The following ACYP2 variants were observed in gnomAD, a reference collection of about 807,000 sequenced individuals.
The protein encoded by ACYP2 is acylphosphatase-2.
ACYP2 carries 12 observed loss-of-function variants against 11.2 expected under a neutral mutation model. That is an observed-to-expected ratio of 1.08 (90% CI 0.69 to 1.74). The LOEUF (loss-of-function observed/expected upper bound fraction) is 1.74. Among genes scored for constraint, ACYP2 ranks in the 40% most tolerant of loss-of-function variants. The pLI is 0.00. For missense variants in ACYP2, 134 were observed against 101.9 expected, an observed-to-expected ratio of 1.31 and a Z score of -1.35; for synonymous variants, 43 against 32.2, an observed-to-expected ratio of 1.33 and a Z score of -1.13.
intron 6 of ACYP2, among the ~76,000 whole-genome samples, chr2:54,177,419 G>T (rs930905387): frequency 1.3e-5 from 2 of 152,122 alleles, no homozygotes; most frequent in African/African-American, 4.8e-5. Context: ...TTCATGCCTA[G>T]GAATGGAAAT....
chr2:54,148,850 G>C (rs149300144), intron 6 of ACYP2, among the ~76,000 whole-genome samples: 129 of 152,314 alleles, frequency 8.5e-4, no homozygotes, highest in African/African-American at 2.8e-3. Context: ...CACAATAAGA[G>C]ATGTTGCAAA....
chr2:54,145,592 T>G (rs901591694), intron 6 of ACYP2, among the ~76,000 whole-genome samples: 1 of 152,194 alleles, frequency 6.6e-6, no homozygotes, highest in African/African-American at 2.4e-5. Flanking sequence ...TCAGACATTC[T>G]TGTTTCATAT....
intron 6 of ACYP2, among the ~76,000 whole-genome samples, chr2:54,194,447 T>A (rs1285282230): frequency 2.0e-5 from 3 of 152,228 alleles, no homozygotes; most frequent in Non-Finnish European, 4.4e-5. Flanking sequence ...CATACTTTTA[T>A]TGAGTTAAAG....
rs1199088976 is a variant in ACYP2, at chr2:54,013,255, A to ATATGTG, written c.63-37702_63-37701insATGTGT. Among the ~76,000 whole-genome samples the ATATGTG allele has an allele frequency of 7.7e-4, 90 of 117,602 alleles. 3 individuals are homozygous for ATATGTG. The highest frequency in any genetic ancestry group is 1.6e-3 in the African/African-American group (52 of 31,618). 77.2% of individuals were successfully genotyped at this position (117,602 alleles called of 152,430 possible). A position where few individuals can be genotyped will look rare whatever the true frequency, so the allele number is the denominator to read the frequency against. On this transcript the variant is annotated intron_variant, in intron 2 of 6. Transcript: ENST00000607452. ...AATATAACATTTACCACCATCTAAT[A>ATATGTG]TGTGTGTGTGTGTGTGTGTGTGTGT...
At chr2:54,156,153 C>G (rs150053993) in intron 6 of ACYP2, among the ~76,000 whole-genome samples, 1 of 152,054 alleles carries the variant, frequency 6.6e-6, no homozygotes, top group East Asian at 1.9e-4. Context: ...TCTGTTAGGT[C>G]CATTTGGTCT....
chr2:54,246,231 G>A (rs1686946727), intron 6 of ACYP2, among the ~76,000 whole-genome samples: 2 of 152,086 alleles, frequency 1.3e-5, no homozygotes, highest in South Asian at 4.1e-4. Context: ...ATTTTTTAAT[G>A]TATACTTTAG....
intron 2 of ACYP2, among the ~76,000 whole-genome samples, chr2:54,038,048 C>T (rs1002989720): frequency 1.3e-5 from 2 of 152,216 alleles, no homozygotes. Flanking sequence ...GTGTTACCAA[C>T]ACCTTCCCTT....
intron 2 of ACYP2, among the ~76,000 whole-genome samples, chr2:53,998,851 T>C (rs1464385532): frequency 6.6e-6 from 1 of 152,012 alleles, no homozygotes; most frequent in Non-Finnish European, 1.5e-5. Flanking sequence ...CAAACTCAAG[T>C]AGAGACTGCT....
chr2:54,289,391 G>A (rs1367888353), intron 6 of ACYP2, among the ~76,000 whole-genome samples: 1 of 151,910 alleles, frequency 6.6e-6, no homozygotes, highest in African/African-American at 2.4e-5. Context: ...TGTTACTAGG[G>A]TGACAATTCT....
At chr2:53,996,332 G>A (rs1257131191) in intron 2 of ACYP2, among the ~76,000 whole-genome samples, 3 of 152,024 alleles carry the variant, frequency 2.0e-5, no homozygotes. Flanking sequence ...TGATGGGGAT[G>A]TACACCTATG....
chr2:54,046,563 A>G (rs1216191829), intron 2 of ACYP2, among the ~76,000 whole-genome samples: 7 of 152,124 alleles, frequency 4.6e-5, no homozygotes, highest in Non-Finnish European at 1.0e-4. Flanking sequence ...TCATGGATCA[A>G]CATAAGACCT....
At chr2:54,074,578 T>TTG (rs59845178) in intron 4 of ACYP2, among the ~76,000 whole-genome samples, 8,489 of 145,922 alleles carry the variant, frequency 0.058, 385 homozygotes, top group African/African-American at 0.13. Context: ...AGAACAGAAT[T>TTG]TGTGTGTGTG....
At chr2:54,029,906 G>A (rs909146277) in intron 2 of ACYP2, 47 of 257,032 alleles carry the variant, frequency 1.8e-4, no homozygotes, top group African/African-American at 4.6e-5. Flanking sequence ...GTGTTTTCTC[G>A]AGGCCCGCCA....
intron 6 of ACYP2, among the ~76,000 whole-genome samples, chr2:54,203,849 TTATAAA>T (rs1280719266): frequency 6.6e-6 from 1 of 152,190 alleles, no homozygotes; most frequent in Non-Finnish European, 1.5e-5. Flanking sequence ...TTCTGAATGC[TTATAAA>T]TATAAAATTT....
chr2:54,040,039 A>G (rs1425354290), intron 2 of ACYP2, among the ~76,000 whole-genome samples: 2 of 152,138 alleles, frequency 1.3e-5, no homozygotes, highest in Non-Finnish European at 2.9e-5. Context: ...TGTGTTGAGA[A>G]GAATCTCAAC....
At chr2:53,993,747 G>T (rs1672420293) in intron 2 of ACYP2, among the ~76,000 whole-genome samples, 1 of 152,066 alleles carries the variant, frequency 6.6e-6, no homozygotes, top group South Asian at 2.1e-4. Context: ...ATTTCTGGTA[G>T]TCTCTATTTT....
chr2:54,246,552 CT>C (rs1686960457), intron 6 of ACYP2, among the ~76,000 whole-genome samples: 1 of 152,134 alleles, frequency 6.6e-6, no homozygotes, highest in Non-Finnish European at 1.5e-5. Context: ...AATCTAAAAT[CT>C]ATTGATATAA....
intron 6 of ACYP2, among the ~76,000 whole-genome samples, chr2:54,204,298 A>AT (rs34841607): frequency 0.13 from 18,556 of 146,632 alleles, 1,446 homozygotes; most frequent in African/African-American, 0.23. Flanking sequence ...CGGCCATGGG[A>AT]TTTTTTTTTT....
intron 6 of ACYP2, among the ~76,000 whole-genome samples, chr2:54,173,667 T>G (rs1426981726): frequency 2.6e-5 from 4 of 152,238 alleles, no homozygotes; most frequent in Non-Finnish European, 5.9e-5. Context: ...GTTTTATGGT[T>G]TTAGGTCTAA....
Sources: gnomAD v4.1 joint callset for allele counts (sites outside exome capture counted in the v4.1 genomes callset) on GRCh38, gnomAD v4.1.1 for gene constraint, MANE v1.5 for transcripts, NCBI Gene and HGNC (gene_info 2026-07-23, HGNC 2026-07-21) for gene names.